DIAPH2: variants seen among roughly 807,000 people sequenced by gnomAD.
DIAPH2 encodes the protein diaphanous related formin 2, also known as protein diaphanous homolog 2.
DIAPH2 carries 35 observed loss-of-function variants against 92.7 expected under a neutral mutation model. That is an observed-to-expected ratio of 0.38 (90% CI 0.29 to 0.50). DIAPH2 has a LOEUF of 0.50. Ranked by LOEUF, DIAPH2 falls within the 20% of genes least tolerant of loss-of-function variation. The pLI is 0.94. For missense variants in DIAPH2, 701 were observed against 819.5 expected (o/e 0.86, Z 1.77); for synonymous variants, 301 against 280.4 (o/e 1.07, Z -0.73).
At chrX:97,183,446 G>A (rs767740590) in intron 22 of DIAPH2, among the ~76,000 whole-genome samples, 11 of 111,802 alleles carry the variant, frequency 9.8e-5, no homozygotes, top group Non-Finnish European at 1.9e-4. Flanking sequence ...TTAATAAAGT[G>A]GAAAGGACAA....
At chrX:97,503,566 C>G in intron 26 of DIAPH2, among the ~76,000 whole-genome samples, 1 of 112,037 alleles carries the variant, frequency 8.9e-6, no homozygotes, top group East Asian at 2.8e-4. Flanking sequence ...ATCCTCAGTC[C>G]AATCTTTCAA....
chrX:96,731,151 ATT>A lies in DIAPH2; in HGVS notation c.133-4606_133-4605del, dbSNP rs2064052368. Among the ~76,000 whole-genome samples, 6 of 111,335 alleles carry A rather than the reference ATT, an allele frequency of 5.4e-5. No individual in the cohort carries two copies. The South Asian group carries it at 2.3e-3, about 43-fold the overall frequency. Reference sequence around the variant, plus strand: ...ACAGGCCATTTTCACTTCTTTTGTGATTCTTCAGTTACTTCGGGCCATCGGGG... The same window carrying A: ...ACAGGCCATTTTCACTTCTTTTGTGACTTCAGTTACTTCGGGCCATCGGGG... On this transcript the variant is annotated intron_variant, in intron 1 of 26. Coordinates refer to ENST00000324765, the MANE Select transcript of DIAPH2 (RefSeq NM_006729.5).
intron 1 of DIAPH2, among the ~76,000 whole-genome samples, chrX:96,708,552 G>A (rs2063900179): frequency 9.0e-6 from 1 of 111,209 alleles, no homozygotes; most frequent in Non-Finnish European, 1.9e-5. Context: ...CACCCCCTGC[G>A]ACATCTTTCC....
chrX:97,323,927 AAG>A, intron 23 of DIAPH2, among the ~76,000 whole-genome samples: 1 of 107,747 alleles, frequency 9.3e-6, no homozygotes, highest in South Asian at 4.0e-4. Context: ...AAAAAAAAAT[AAG>A]TAAGCTCAGA....
intron 5 of DIAPH2, chrX:96,885,514 G>C (rs941592339): frequency 8.6e-6 from 1 of 116,804 alleles, no homozygotes; most frequent in African/African-American, 3.5e-5. Flanking sequence ...TTCCGTGTTT[G>C]GATTTAGCTT....
At chrX:97,238,061 A>G (rs1310581084) in intron 22 of DIAPH2, among the ~76,000 whole-genome samples, 1 of 112,231 alleles carries the variant, frequency 8.9e-6, no homozygotes, top group African/African-American at 3.2e-5. Context: ...AGGCAGAATA[A>G]CACTTGCAGA....
At chrX:96,954,468 G>T (rs1285905682) in intron 15 of DIAPH2, among the ~76,000 whole-genome samples, 1 of 112,068 alleles carries the variant, frequency 8.9e-6, no homozygotes, top group Non-Finnish European at 1.9e-5. Context: ...GAATGAGCTT[G>T]AAGTTACTTT....
At chrX:96,718,344 T>G (rs1355405117) in intron 1 of DIAPH2, among the ~76,000 whole-genome samples, 8 of 48,912 alleles carry the variant, frequency 1.6e-4, no homozygotes, top group Admixed American at 5.0e-4. Context: ...TTGTTTTTTT[T>G]TTTTTTTTTT....
chrX:97,142,771 T>A (rs948233928), intron 22 of DIAPH2, among the ~76,000 whole-genome samples: 1 of 111,926 alleles, frequency 8.9e-6, no homozygotes, highest in Admixed American at 9.5e-5. Context: ...ACACCATAAA[T>A]CTTATACTTG....
intron 22 of DIAPH2, among the ~76,000 whole-genome samples, chrX:97,190,833 CAAA>C (rs34703572): frequency 0.44 from 32,190 of 72,799 alleles, 6,298 homozygotes; most frequent in Non-Finnish European, 0.58. Context: ...GACTCCATTT[CAAA>C]AAAAAAAAAA....
chrX:97,403,910 T>C (rs998043333), intron 25 of DIAPH2, among the ~76,000 whole-genome samples: 7 of 108,290 alleles, frequency 6.5e-5, no homozygotes, highest in Non-Finnish European at 1.1e-4. Flanking sequence ...TGGAGTGCAA[T>C]GGCTCAATCT....
intron 23 of DIAPH2, among the ~76,000 whole-genome samples, chrX:97,293,353 G>T (rs1041669417): frequency 9.6e-6 from 1 of 103,698 alleles, no homozygotes; most frequent in Non-Finnish European, 1.9e-5. Context: ...CCCAGGTTCA[G>T]GCCATTCTCC....
At chrX:97,536,944 A>G (rs777799872) in intron 26 of DIAPH2, among the ~76,000 whole-genome samples, 19 of 112,314 alleles carry the variant, frequency 1.7e-4, no homozygotes, top group South Asian at 7.4e-4. Context: ...CTCTGTTTTC[A>G]AGGACCATAT....
At chrX:97,225,587 T>C (rs1427053956) in intron 22 of DIAPH2, among the ~76,000 whole-genome samples, 1 of 112,016 alleles carries the variant, frequency 8.9e-6, no homozygotes, top group African/African-American at 3.2e-5. Flanking sequence ...TTAAAAACTT[T>C]ACTGCTGCTC....
At chrX:97,410,512 G>A (rs1041780146) in intron 25 of DIAPH2, among the ~76,000 whole-genome samples, 3 of 111,990 alleles carry the variant, frequency 2.7e-5, no homozygotes, top group African/African-American at 9.7e-5. Context: ...CTCCTCCAAA[G>A]GATTACAGGT....
intron 21 of DIAPH2, among the ~76,000 whole-genome samples, chrX:97,127,704 C>A (rs896881908): frequency 8.0e-5 from 9 of 112,530 alleles, no homozygotes; most frequent in African/African-American, 2.6e-4. Context: ...AACTGACATA[C>A]TATAAAATTT....
chrX:96,944,325 T>A (rs5920975), intron 13 of DIAPH2, among the ~76,000 whole-genome samples: 8,029 of 111,660 alleles, frequency 0.072, 292 homozygotes, highest in African/African-American at 0.12. Context: ...TCCTCCTCAG[T>A]TGCTTTAAAC....
At position 97,358,105 on chromosome X, in the gene DIAPH2, G is replaced by T. The variant is rs901660838; in HGVS notation, c.3009+9825G>T. Among the ~76,000 whole-genome samples the T allele has an allele frequency of 2.8e-4, 31 of 112,030 alleles. 1 individual carries two copies. The highest frequency in any genetic ancestry group is 3.8e-5 in the Non-Finnish European group (2 of 53,262). ...ACCAGCTAATTATGATGATCTAAAG[G>T]TTATCTGCCATATGCTTAGATGAGC... On this transcript the variant is annotated intron_variant, in intron 24 of 26. Transcript: ENST00000324765.
In DIAPH2 at chrX:97,301,178, T is replaced by C. The variant is rs1047639227; in HGVS notation, c.2845-46938T>C. On this transcript the variant is annotated intron_variant, in intron 23 of 26. Transcript: ENST00000324765. ...AAAAAAAAAAAAAAAAAAAGAAAATTTAAGTAATTGGATGAGTTGTTTTCG... is the reference window on the plus strand; with the variant it reads ...AAAAAAAAAAAAAAAAAAAGAAAATCTAAGTAATTGGATGAGTTGTTTTCG... Among the ~76,000 whole-genome samples, 5 of 104,766 alleles carry C rather than the reference T, an allele frequency of 4.8e-5. No homozygotes were observed. In the East Asian group the frequency reaches 1.5e-3, roughly 31 times the overall value. The allele number at this position is 104,766 out of a possible 115,157, so 91.0% of individuals were successfully genotyped here. A position where few individuals can be genotyped will look rare whatever the true frequency, so the allele number is the denominator to read the frequency against.
Sources: allele counts gnomAD v4.1 joint callset (sites outside exome capture counted in the v4.1 genomes callset), GRCh38; gene constraint gnomAD v4.1.1; transcripts MANE v1.5; gene names NCBI Gene and HGNC (gene_info 2026-07-23, HGNC 2026-07-21).